The following ERCC8 variants were observed in gnomAD, a reference collection of about 807,000 sequenced individuals.
ERCC8 encodes the protein DNA excision repair protein ERCC-8.
Under a neutral mutation model 54.9 loss-of-function variants are expected in ERCC8, and 52 were observed. The observed-to-expected ratio is 0.95, with a 90% CI of 0.76 to 1.19. The LOEUF is 1.19. Ranked by LOEUF, ERCC8 falls within the 50% of genes most tolerant of loss-of-function variation. The probability of loss-of-function intolerance (pLI) is 0.00; values close to 1 mark genes in which losing one functional copy is unlikely to be tolerated. For synonymous variants in ERCC8, 146 were observed against 157.2 expected (o/e 0.93, Z 0.53); for missense variants, 514 against 466.1 (o/e 1.10, Z -0.95).
intron 11 of ERCC8, among the ~76,000 whole-genome samples, chr5:60,877,172 C>G (rs1748037711): frequency 6.6e-6 from 1 of 152,174 alleles, no homozygotes; most frequent in South Asian, 2.1e-4. Flanking sequence ...TCAAGTTTGT[C>G]AAAGATCAGA....
intron 1 of ERCC8, among the ~76,000 whole-genome samples, chr5:60,936,504 T>C (rs1232866255): frequency 2.6e-5 from 4 of 152,188 alleles, no homozygotes; most frequent in African/African-American, 7.2e-5. Context: ...TTTGTTGTTG[T>C]TGTCCTTTCA....
chr5:60,897,834 A>G (rs1379515754), intron 9 of ERCC8, among the ~76,000 whole-genome samples: 1 of 152,210 alleles, frequency 6.6e-6, no homozygotes. Flanking sequence ...CTGAATATTC[A>G]AAATCTGAAA....
intron 1 of ERCC8, among the ~76,000 whole-genome samples, chr5:60,938,020 TGTGTATACATAC>T (rs1277807100): frequency 1.4e-5 from 2 of 142,740 alleles, no homozygotes; most frequent in Admixed American, 7.2e-5. Flanking sequence ...TGTGTGTGTG[TGTGTATACATAC>T]ATACATACAT....
chr5:60,913,944 T>C (rs983896159), intron 4 of ERCC8, among the ~76,000 whole-genome samples: 2 of 152,196 alleles, frequency 1.3e-5, no homozygotes, highest in African/African-American at 4.8e-5. Context: ...TTGATTTCAC[T>C]GTGGTCTGAG....
At chr5:60,891,585 C>G (rs1385534569) in intron 9 of ERCC8, among the ~76,000 whole-genome samples, 1 of 150,920 alleles carries the variant, frequency 6.6e-6, no homozygotes, top group African/African-American at 2.4e-5. Flanking sequence ...GGGGCTAATA[C>G]CCCCCAAAAA....
At chr5:60,891,995 G>T in intron 9 of ERCC8, 1 of 529,766 alleles carries the variant, frequency 1.9e-6, no homozygotes. Flanking sequence ...GAATCAGACA[G>T]CTCCCTGGGG....
At chr5:60,935,866 C>T (rs182455886) in intron 1 of ERCC8, among the ~76,000 whole-genome samples, 1 of 152,128 alleles carries the variant, frequency 6.6e-6, no homozygotes, top group Non-Finnish European at 1.5e-5. Flanking sequence ...GTTAAACCAT[C>T]CCTGCATTCC....
chr5:60,868,519 T>C lies in ERCC8; in HGVS notation c.*6096A>G. Among the ~76,000 whole-genome samples, 1 of 152,146 alleles carries C rather than the reference T, an allele frequency of 6.6e-6. No homozygotes were observed. The highest frequency in any genetic ancestry group is 1.5e-5 in the Non-Finnish European group (1 of 68,004). ...TTTGAAATTTTAATTGTCTAATTATTAGGTTGGTGCAAAAGTAATTGCAGT... is the reference window on the plus strand; with the variant it reads ...TTTGAAATTTTAATTGTCTAATTATCAGGTTGGTGCAAAAGTAATTGCAGT... On this transcript the variant is annotated 3_prime_UTR_variant, in exon 12 of 12. Coordinates refer to ENST00000676185, the MANE Select transcript of ERCC8 (RefSeq NM_000082.4).
intron 4 of ERCC8, among the ~76,000 whole-genome samples, chr5:60,916,976 G>T (rs1182841597): frequency 6.6e-6 from 1 of 152,020 alleles, no homozygotes; most frequent in Non-Finnish European, 1.5e-5. Context: ...AAAGTAGTAT[G>T]AGAATGTATT....
rs996730950 is a variant in ERCC8 at position 60,875,698 on chromosome 5, A to AT, written c.1123-1016dup. Reference sequence around the variant, plus strand: ...TTATTGCCTTTTATAACTTAGAGAAATTTTTTTTTTCCTTTTGAGACAGAA... The same window carrying AT: ...TTATTGCCTTTTATAACTTAGAGAAATTTTTTTTTTTCCTTTTGAGACAGAA... On this transcript the variant is annotated intron_variant, in intron 11 of 11. Coordinates refer to ENST00000676185, the MANE Select transcript of ERCC8 (RefSeq NM_000082.4). Among the ~76,000 whole-genome samples, 46 of 149,926 alleles carry AT rather than the reference A, an allele frequency of 3.1e-4. 1 individual carries two copies. The highest frequency in any genetic ancestry group is 3.5e-3 in the Middle Eastern group (1 of 288).
At chr5:60,906,761 A>G (rs1173425540) in intron 4 of ERCC8, among the ~76,000 whole-genome samples, 1 of 151,848 alleles carries the variant, frequency 6.6e-6, no homozygotes, top group Non-Finnish European at 1.5e-5. Context: ...AAATAAATAA[A>G]CAAATACATA....
intron 11 of ERCC8, among the ~76,000 whole-genome samples, chr5:60,876,758 C>T (rs1007070933): frequency 5.3e-5 from 8 of 151,846 alleles, no homozygotes; most frequent in Non-Finnish European, 8.8e-5. Context: ...TTGTTTGAGT[C>T]CATTGTAGGT....
intron 11 of ERCC8, among the ~76,000 whole-genome samples, chr5:60,886,023 T>C (rs534410862): frequency 1.3e-5 from 2 of 152,042 alleles, no homozygotes; most frequent in African/African-American, 2.4e-5. Context: ...TCCAACTACA[T>C]TATTTATATT....
intron 1 of ERCC8, among the ~76,000 whole-genome samples, chr5:60,939,066 G>A (rs954271301): frequency 6.6e-6 from 1 of 152,144 alleles, no homozygotes; most frequent in Non-Finnish European, 1.5e-5. Flanking sequence ...AAATCAGCCT[G>A]TTCACCTTTG....
At chr5:60,883,452 T>C (rs552230941) in intron 11 of ERCC8, among the ~76,000 whole-genome samples, 8 of 152,298 alleles carry the variant, frequency 5.3e-5, no homozygotes, top group Middle Eastern at 3.4e-3. Context: ...AACATATTCA[T>C]CTATATCTCA....
chr5:60,888,637 A>G (rs1457559497), intron 10 of ERCC8, among the ~76,000 whole-genome samples: 1 of 152,236 alleles, frequency 6.6e-6, no homozygotes, highest in Admixed American at 6.5e-5. Context: ...GCCTTGAAGT[A>G]TCTGTGATAG....
At chr5:60,922,695 T>C (rs1749634884) in intron 2 of ERCC8, among the ~76,000 whole-genome samples, 1 of 152,110 alleles carries the variant, frequency 6.6e-6, no homozygotes, top group South Asian at 2.1e-4. Context: ...TTAGATTCCT[T>C]CCTTCTCTTA....
At chr5:60,932,199 G>C (rs1043448949) in intron 1 of ERCC8, 1 of 152,324 alleles carries the variant, frequency 6.6e-6, no homozygotes, top group Non-Finnish European at 1.5e-5. Flanking sequence ...ACTATAAAGG[G>C]AAAGAGAGGT....
Position 60,869,804 on chromosome 5 carries a change from G to A in ERCC8, c.*4811C>T, listed in dbSNP as rs1026771537. Among the ~76,000 whole-genome samples, 5 of 150,408 alleles carry A rather than the reference G, an allele frequency of 3.3e-5. No homozygotes were observed. The highest frequency in any genetic ancestry group is 5.0e-5 in the African/African-American group (2 of 39,786). ...TTTCATAGGTGTACCATAATGACTA[G>A]TTAAAAATGGAATCAAAGTGAAGTG... On this transcript the variant is annotated 3_prime_UTR_variant, in exon 12 of 12. Coordinates refer to ENST00000676185, the MANE Select transcript of ERCC8 (RefSeq NM_000082.4).
Sources: allele counts gnomAD v4.1 joint callset (sites outside exome capture counted in the v4.1 genomes callset), GRCh38; gene constraint gnomAD v4.1.1; transcripts MANE v1.5; gene names NCBI Gene and HGNC (gene_info 2026-07-23, HGNC 2026-07-21).